CDH13: variants seen among roughly 807,000 people sequenced by gnomAD.
The protein encoded by CDH13 is cadherin-13.
In CDH13, 24 loss-of-function variants were observed where a neutral mutation model predicts 63.8. The ratio of observed to expected loss-of-function variants is 0.38; its 90% CI spans 0.27 to 0.53. CDH13 has a LOEUF of 0.53. Among genes scored for constraint, CDH13 ranks in the 20% least tolerant of loss-of-function variants. CDH13 has a pLI of 0.85. For synonymous variants in CDH13, 503 were observed against 355.3 expected (o/e 1.42, Z -4.67); for missense variants, 1,049 against 903.1 (o/e 1.16, Z -2.07).
chr16:83,102,833 C>T (rs1442305893), intron 3 of CDH13, among the ~76,000 whole-genome samples: 3 of 150,508 alleles, frequency 2.0e-5, no homozygotes. Context: ...AGGTCATTAA[C>T]CAGAAAAGGG....
At chr16:83,781,047 T>G (rs1378201450) in intron 12 of CDH13, among the ~76,000 whole-genome samples, 2 of 152,014 alleles carry the variant, frequency 1.3e-5, no homozygotes, top group Non-Finnish European at 2.9e-5. Flanking sequence ...TGACCTTGGG[T>G]TTTTTTTCAA....
chr16:83,570,667 C>T (rs1309612101), intron 7 of CDH13, among the ~76,000 whole-genome samples: 1 of 145,830 alleles, frequency 6.9e-6, no homozygotes, highest in African/African-American at 2.5e-5. Flanking sequence ...TCTTTCTCAT[C>T]CTTTTATATA....
intron 4 of CDH13, among the ~76,000 whole-genome samples, chr16:83,178,685 G>A (rs1032766785): frequency 5.9e-5 from 9 of 152,082 alleles, no homozygotes; most frequent in Non-Finnish European, 1.2e-4. Context: ...CATGAATAAC[G>A]CTTTATAGTT....
At chr16:82,915,602 C>T (rs1266590830) in intron 2 of CDH13, among the ~76,000 whole-genome samples, 4 of 151,850 alleles carry the variant, frequency 2.6e-5, no homozygotes, top group Non-Finnish European at 5.9e-5. Flanking sequence ...GTGTACAGCA[C>T]CTAAAATATC....
At chr16:83,135,001 T>A (rs922647568) in intron 4 of CDH13, among the ~76,000 whole-genome samples, 1 of 152,210 alleles carries the variant, frequency 6.6e-6, no homozygotes, top group African/African-American at 2.4e-5. Context: ...AATTTATATT[T>A]AATTATTTGT....
intron 3 of CDH13, among the ~76,000 whole-genome samples, chr16:83,052,319 C>G (rs984422126): frequency 8.5e-5 from 13 of 152,132 alleles, no homozygotes; most frequent in African/African-American, 2.7e-4. Context: ...GCACACCATC[C>G]TATAGAAATA....
intron 10 of CDH13, among the ~76,000 whole-genome samples, chr16:83,687,068 C>G (rs1465756162): frequency 2.6e-5 from 4 of 152,072 alleles, no homozygotes; most frequent in Non-Finnish European, 5.9e-5. Context: ...AAAAAGTTAG[C>G]CAGGCATGGT....
intron 5 of CDH13, among the ~76,000 whole-genome samples, chr16:83,280,115 T>G (rs559374676): frequency 7.9e-5 from 12 of 152,312 alleles, no homozygotes; most frequent in African/African-American, 2.6e-4. Context: ...CAATGAAGTT[T>G]GTAACATCAA....
At chr16:83,669,218 A>T (rs1230621831) in intron 8 of CDH13, among the ~76,000 whole-genome samples, 2 of 151,968 alleles carry the variant, frequency 1.3e-5, no homozygotes, top group Non-Finnish European at 2.9e-5. Flanking sequence ...TGGCTAGAGG[A>T]CCCCGGGCAG....
chr16:82,746,127 A>T (rs552858293), intron 1 of CDH13, among the ~76,000 whole-genome samples: 1 of 149,788 alleles, frequency 6.7e-6, no homozygotes, highest in East Asian at 1.9e-4. Flanking sequence ...TTTTATATAC[A>T]TATAAGCACA....
At chr16:83,329,924 C>T (rs2090446204) in intron 5 of CDH13, among the ~76,000 whole-genome samples, 1 of 152,182 alleles carries the variant, frequency 6.6e-6, no homozygotes, top group African/African-American at 2.4e-5. Context: ...ATCCATTCAT[C>T]TGCTAATGGA....
chr16:83,669,084 G>A (rs956292169), intron 8 of CDH13, among the ~76,000 whole-genome samples: 1 of 152,134 alleles, frequency 6.6e-6, no homozygotes, highest in Admixed American at 6.5e-5. Context: ...CCCAGAGCCT[G>A]GGGAATCTGA....
intron 10 of CDH13, among the ~76,000 whole-genome samples, chr16:83,696,024 G>A (rs954023202): frequency 1.3e-5 from 2 of 151,904 alleles, no homozygotes; most frequent in African/African-American, 4.8e-5. Context: ...TGAATAGCTG[G>A]GATCACAGGC....
At chr16:83,277,856 T>C (rs1056918547) in intron 5 of CDH13, among the ~76,000 whole-genome samples, 12 of 152,184 alleles carry the variant, frequency 7.9e-5, no homozygotes, top group South Asian at 6.2e-4. Flanking sequence ...TGTAGAAATA[T>C]AAAGGATCCT....
chr16:83,030,895 G>A (rs575135643), intron 2 of CDH13, among the ~76,000 whole-genome samples: 22 of 151,512 alleles, frequency 1.5e-4, no homozygotes, highest in African/African-American at 4.1e-4. Flanking sequence ...TCCCTGCCCC[G>A]TTTTAAGTTT....
At chr16:83,486,981 G>A (rs1312933057) in intron 7 of CDH13, among the ~76,000 whole-genome samples, 1 of 152,104 alleles carries the variant, frequency 6.6e-6, no homozygotes, top group Non-Finnish European at 1.5e-5. Context: ...GAAGGGAGAG[G>A]GAAGGACAAG....
chr16:83,134,154 A>G (rs1223446268), intron 4 of CDH13, among the ~76,000 whole-genome samples: 1 of 152,184 alleles, frequency 6.6e-6, no homozygotes, highest in African/African-American at 2.4e-5. Context: ...ATTGCTTGGC[A>G]GTCAACTATT....
At chr16:83,087,662 C>A (rs1164424815) in intron 3 of CDH13, among the ~76,000 whole-genome samples, 4 of 129,046 alleles carry the variant, frequency 3.1e-5, no homozygotes, top group Admixed American at 3.1e-4. Flanking sequence ...AGCAAGACTC[C>A]CTCCGTCTCA....
intron 4 of CDH13, among the ~76,000 whole-genome samples, chr16:83,152,320 C>A (rs533171438): frequency 6.6e-6 from 1 of 152,206 alleles, no homozygotes; most frequent in East Asian, 1.9e-4. Flanking sequence ...GACTACTATG[C>A]AATCATTAAA....
Sources: gnomAD v4.1 joint callset for allele counts (sites outside exome capture counted in the v4.1 genomes callset) on GRCh38, gnomAD v4.1.1 for gene constraint, MANE v1.5 for transcripts, NCBI Gene and HGNC (gene_info 2026-07-23, HGNC 2026-07-21) for gene names.